Variants in PIK3C3 observed in about 807,000 individuals in gnomAD.
PIK3C3 encodes phosphatidylinositol 3-kinase catalytic subunit type 3.
Under a neutral mutation model 126.1 loss-of-function variants are expected in PIK3C3, and 95 were observed. The ratio of observed to expected loss-of-function variants is 0.75; its 90% CI spans 0.64 to 0.89. The LOEUF (loss-of-function observed/expected upper bound fraction) is 0.89, where lower values mean the gene tolerates loss of function less well. PIK3C3 is among the 40% of genes least tolerant of loss of function. PIK3C3 has a pLI of 0.00. For synonymous variants in PIK3C3, 374 were observed against 360.0 expected (o/e 1.04, Z -0.44); for missense variants, 829 against 1,063.2 (o/e 0.78, Z 3.06).
chr18:42,051,983 TAAAATAA>T (rs1984825444), intron 21 of PIK3C3, among the ~76,000 whole-genome samples: 1 of 150,732 alleles, frequency 6.6e-6, no homozygotes, highest in African/African-American at 2.4e-5. Context: ...ATAATAATAA[TAAAATAA>T]AAAATAAAAT....
At chr18:42,036,843 T>TA (rs1984076034) in intron 16 of PIK3C3, among the ~76,000 whole-genome samples, 1 of 152,136 alleles carries the variant, frequency 6.6e-6, no homozygotes, top group African/African-American at 2.4e-5. Flanking sequence ...ATCCAAAATC[T>TA]AAAATGCTCC....
intron 2 of PIK3C3, among the ~76,000 whole-genome samples, chr18:41,961,166 A>G (rs2144292351): frequency 6.6e-6 from 1 of 152,358 alleles, no homozygotes; most frequent in South Asian, 2.1e-4. Context: ...TAGTCATTAA[A>G]GGACAGAATA....
chr18:42,074,333 GT>G (rs11296008), intron 24 of PIK3C3, among the ~76,000 whole-genome samples: 77,712 of 151,576 alleles, frequency 0.51, 22,076 homozygotes, highest in African/African-American at 0.77. Context: ...TTTTGTTTAT[GT>G]TTTTTTTCTT....
At chr18:42,020,836 C>A in intron 13 of PIK3C3, 131 bp downstream of exon 13, 1 of 580,918 alleles carries the variant, frequency 1.7e-6, no homozygotes, top group South Asian at 2.4e-5. Flanking sequence ...GTATTTATAT[C>A]TAACTGTATT....
At chr18:41,994,895 C>A (rs1051818387) in intron 7 of PIK3C3, among the ~76,000 whole-genome samples, 2 of 151,882 alleles carry the variant, frequency 1.3e-5, no homozygotes, top group African/African-American at 2.4e-5. Context: ...AATAAATTAG[C>A]CAGGTAGTGG....
chr18:42,036,489 T>C (rs1984056889), intron 16 of PIK3C3, among the ~76,000 whole-genome samples: 1 of 152,092 alleles, frequency 6.6e-6, no homozygotes, highest in East Asian at 1.9e-4. Context: ...TTGTCTTATA[T>C]AATTTCTTCT....
rs938255635 is a variant in PIK3C3 at position 42,045,596 on chromosome 18, A to G, written c.2188+1779A>G. 3.9e-5 allele frequency among the ~76,000 whole-genome samples: 6 copies of G among 152,298 alleles called. No homozygotes were observed. In the South Asian group the frequency reaches 1.2e-3, roughly 32 times the overall value. ...AGACAGACAGGAAATGGAAAATACT[A>G]GTTTCTGAAGGCCAGGGCTGGGAAG... On this transcript the variant is annotated intron_variant, in intron 20 of 24. Transcript: ENST00000262039.
intron 21 of PIK3C3, among the ~76,000 whole-genome samples, chr18:42,055,192 A>G (rs2144500851): frequency 6.6e-6 from 1 of 152,060 alleles, no homozygotes; most frequent in Non-Finnish European, 1.5e-5. Flanking sequence ...GTTCCCTTGA[A>G]AGCTGGTTGT....
chr18:42,076,143 TG>T (rs1986000077), intron 24 of PIK3C3, among the ~76,000 whole-genome samples: 1 of 66,770 alleles, frequency 1.5e-5, no homozygotes. Flanking sequence ...TATATATATA[TG>T]CGCATATATA....
chr18:42,007,346 C>CT (rs1168740615), intron 10 of PIK3C3, among the ~76,000 whole-genome samples: 2 of 151,554 alleles, frequency 1.3e-5, no homozygotes, highest in African/African-American at 4.8e-5. Flanking sequence ...TTCTTCTTTC[C>CT]TTTTTTTTAT....
intron 24 of PIK3C3, among the ~76,000 whole-genome samples, chr18:42,067,749 C>A (rs961283471): frequency 5.9e-5 from 9 of 152,186 alleles, no homozygotes; most frequent in African/African-American, 2.2e-4. Context: ...TATTTTTGTT[C>A]TTTGCAGTCA....
At chr18:41,985,047 G>C (rs1212160871) in intron 4 of PIK3C3, 1 of 152,182 alleles carries the variant, frequency 6.6e-6, no homozygotes, top group Non-Finnish European at 1.5e-5. Flanking sequence ...TGGGGAAAGA[G>C]AGGCCCTACC....
At chr18:42,055,677 A>G (rs1220050261) in intron 21 of PIK3C3, among the ~76,000 whole-genome samples, 1 of 152,120 alleles carries the variant, frequency 6.6e-6, no homozygotes, top group Non-Finnish European at 1.5e-5. Flanking sequence ...TCTTTAAATA[A>G]TAGAGTTTGG....
chr18:42,077,768 A>G (rs954805963), intron 24 of PIK3C3, among the ~76,000 whole-genome samples: 1 of 152,122 alleles, frequency 6.6e-6, no homozygotes, highest in African/African-American at 2.4e-5. Flanking sequence ...ATGAATCTCA[A>G]ATGTTCTCAA....
chr18:42,070,943 T>C (rs1263669096), intron 24 of PIK3C3, among the ~76,000 whole-genome samples: 1 of 152,218 alleles, frequency 6.6e-6, no homozygotes, highest in Non-Finnish European at 1.5e-5. Context: ...TAACAGATTA[T>C]TATAATTCTT....
chr18:42,021,076 T>A (rs1433218136), intron 13 of PIK3C3, among the ~76,000 whole-genome samples: 1 of 152,152 alleles, frequency 6.6e-6, no homozygotes, highest in Non-Finnish European at 1.5e-5. Flanking sequence ...AAAGAAAAAG[T>A]TGGAATTAAA....
chr18:42,042,551 G>A lies in PIK3C3; in HGVS notation c.2104-1182G>A, dbSNP rs147180316. Among the ~76,000 whole-genome samples, 59 of 152,290 alleles carry A rather than the reference G, an allele frequency of 3.9e-4. 1 individual carries two copies. In the Middle Eastern group the frequency reaches 0.01, roughly 26 times the overall value. ...AGGATTGTTTTGAAGAGGACCTGAA[G>A]TGTACTTAAAGTTTTTAACATGGGC... is the stretch of plus-strand genomic sequence containing the variant. On this transcript the variant is annotated intron_variant, in intron 19 of 24. Transcript: ENST00000262039.
At chr18:42,076,157 T>TGCAC (rs57310358) in intron 24 of PIK3C3, among the ~76,000 whole-genome samples, 2,889 of 116,876 alleles carry the variant, frequency 0.025, 321 homozygotes, top group African/African-American at 0.099. Flanking sequence ...CATATATATA[T>TGCAC]ATATGCACAT....
chr18:41,994,085 G>T (rs1981912061), intron 7 of PIK3C3, among the ~76,000 whole-genome samples: 1 of 152,012 alleles, frequency 6.6e-6, no homozygotes, highest in African/African-American at 2.4e-5. Flanking sequence ...GACCAAAGTG[G>T]ATTAAAATTG....
Sources: allele counts gnomAD v4.1 joint callset (sites outside exome capture counted in the v4.1 genomes callset), GRCh38; gene constraint gnomAD v4.1.1; transcripts MANE v1.5; gene names NCBI Gene and HGNC (gene_info 2026-07-23, HGNC 2026-07-21).